The following LDLRAD3 variants were observed in gnomAD, a reference collection of about 807,000 sequenced individuals.
The protein encoded by LDLRAD3 is low density lipoprotein receptor class A domain containing 3.
A neutral mutation model predicts 29.4 loss-of-function variants in LDLRAD3; 20 were observed. The observed-to-expected ratio is 0.68, with a 90% CI of 0.48 to 0.99. The LOEUF is 0.99. Among genes scored for constraint, LDLRAD3 ranks in the 50% least tolerant of loss-of-function variants. LDLRAD3 has a pLI of 0.00. For synonymous variants in LDLRAD3, 157 were observed against 192.7 expected, an observed-to-expected ratio of 0.81 and a Z score of 1.53; for missense variants, 420 against 454.3, an observed-to-expected ratio of 0.92 and a Z score of 0.69.
rs555655945 is a variant in LDLRAD3 at position 35,965,501 on chromosome 11, G to T, written c.46+21357G>T. ...TGGCTGGGGGCCATGGGAGGGTGTA[G>T]GTAATTTGTTTTCAGGTATGTGGGT... On this transcript the variant is annotated intron_variant, in intron 1 of 5. Transcript: ENST00000315571. 1.2e-3 allele frequency among the ~76,000 whole-genome samples: 184 copies of T among 152,258 alleles called. 3 individuals carry two copies. Among genetic ancestry groups the T allele is most frequent in the African/African-American group, 4.2e-3 (174 of 41,542 alleles).
rs1047490154 is a variant in LDLRAD3, at chr11:36,232,117, A to G, written c.*2720A>G. The G allele has an allele frequency of 6.6e-6, 1 of 152,244 alleles. No individual in the cohort carries two copies. The highest frequency in any genetic ancestry group is 1.5e-5 in the Non-Finnish European group (1 of 68,048). The allele number at this position is 152,244 out of a possible 1,614,324, so 9.4% of individuals were successfully genotyped here. On this transcript the variant is annotated 3_prime_UTR_variant, in exon 6 of 6. Coordinates refer to ENST00000315571, the MANE Select transcript of LDLRAD3 (RefSeq NM_174902.4). The stretch of plus-strand genomic sequence containing the variant: ...TTTTTTAATTTTTATACTTTCTAAT[A>G]AATTTGCAGTTTCATTCTTTCTGTT...
intron 1 of LDLRAD3, among the ~76,000 whole-genome samples, chr11:35,962,975 AAAC>A (rs1851296222): frequency 6.6e-6 from 1 of 152,236 alleles, no homozygotes; most frequent in Admixed American, 6.5e-5. Flanking sequence ...GACATAATCA[AAAC>A]AACACAGAGA....
At chr11:36,195,936 A>G (rs867843318) in intron 4 of LDLRAD3, among the ~76,000 whole-genome samples, 2 of 151,096 alleles carry the variant, frequency 1.3e-5, no homozygotes, top group Non-Finnish European at 2.9e-5. Context: ...ACCCCCTGCT[A>G]CCTCCCATCA....
At chr11:36,037,433 A>C (rs1022068858) in intron 2 of LDLRAD3, among the ~76,000 whole-genome samples, 1 of 151,978 alleles carries the variant, frequency 6.6e-6, no homozygotes, top group African/African-American at 2.4e-5. Context: ...CTCCTGCCTC[A>C]GCCTTCTGAG....
chr11:36,057,241 C>T (rs772952251), intron 2 of LDLRAD3, among the ~76,000 whole-genome samples: 1 of 152,172 alleles, frequency 6.6e-6, no homozygotes, highest in African/African-American at 2.4e-5. Context: ...GTCAGGGTCC[C>T]TGGTGGATTG....
At position 35,944,891 on chromosome 11, in the gene LDLRAD3, C is replaced by T. The variant is rs1171299100; in HGVS notation, c.46+747C>T. On this transcript the variant is annotated intron_variant, in intron 1 of 5. Coordinates refer to ENST00000315571, the MANE Select transcript of LDLRAD3 (RefSeq NM_174902.4). This position sits in a 1 kb window ranked among gnomAD's most constrained non-coding sequence, Gnocchi z 4.9. ...TGGCATCACCACCGCGTGTGCATCCCGGGGCCTGGACCGCAGCAAGCCTCT... is the reference window on the plus strand; with the variant it reads ...TGGCATCACCACCGCGTGTGCATCCTGGGGCCTGGACCGCAGCAAGCCTCT... Among the ~76,000 whole-genome samples, 1 of 152,166 alleles carries T rather than the reference C, an allele frequency of 6.6e-6. No homozygotes were observed. The highest frequency in any genetic ancestry group is 1.5e-5 in the Non-Finnish European group (1 of 68,024).
At chr11:35,991,536 G>A (rs1851689297) in intron 1 of LDLRAD3, among the ~76,000 whole-genome samples, 1 of 152,136 alleles carries the variant, frequency 6.6e-6, no homozygotes, top group African/African-American at 2.4e-5. Flanking sequence ...AGGCATATAG[G>A]AATTGTATTT....
intron 4 of LDLRAD3, among the ~76,000 whole-genome samples, chr11:36,181,305 T>TTAA (rs1447487312): frequency 6.6e-6 from 1 of 152,130 alleles, no homozygotes; most frequent in Non-Finnish European, 1.5e-5. Flanking sequence ...CCCTGCTTAT[T>TTAA]GTTCTCTGTC....
At chr11:36,034,770 G>A (rs959294998) in intron 1 of LDLRAD3, among the ~76,000 whole-genome samples, 1 of 152,200 alleles carries the variant, frequency 6.6e-6, no homozygotes, top group Non-Finnish European at 1.5e-5. Flanking sequence ...CAGGGGACAC[G>A]TCAGAGGAAA....
At chr11:35,965,614 G>T (rs998302753) in intron 1 of LDLRAD3, among the ~76,000 whole-genome samples, 2 of 152,088 alleles carry the variant, frequency 1.3e-5, no homozygotes, top group African/African-American at 4.8e-5. Context: ...GATAGGAATG[G>T]GTAAAAAATT....
At chr11:36,210,244 G>A (rs886347759) in intron 4 of LDLRAD3, among the ~76,000 whole-genome samples, 3 of 152,216 alleles carry the variant, frequency 2.0e-5, no homozygotes, top group South Asian at 2.1e-4. Context: ...CCTGCCCTCC[G>A]TGGGATTCAT....
chr11:36,095,338 C>T (rs1472231738), intron 3 of LDLRAD3, among the ~76,000 whole-genome samples: 1 of 152,194 alleles, frequency 6.6e-6, no homozygotes, highest in African/African-American at 2.4e-5. Flanking sequence ...ATGAGACTTC[C>T]TCTCCCTCCA....
intron 2 of LDLRAD3, among the ~76,000 whole-genome samples, chr11:36,058,463 G>C (rs1201250046): frequency 6.6e-6 from 1 of 152,148 alleles, no homozygotes; most frequent in African/African-American, 2.4e-5. Context: ...CCCTGGCATC[G>C]GGTTTGGCTG....
chr11:36,013,948 G>T (rs188009973), intron 1 of LDLRAD3, among the ~76,000 whole-genome samples: 1 of 152,294 alleles, frequency 6.6e-6, no homozygotes, highest in East Asian at 1.9e-4. Flanking sequence ...GGCAGGCTTT[G>T]CAGGCACACC....
chr11:36,218,760 A>G (rs1292131250), intron 4 of LDLRAD3, among the ~76,000 whole-genome samples: 2 of 152,216 alleles, frequency 1.3e-5, no homozygotes, highest in East Asian at 1.9e-4. Flanking sequence ...CCCTCCCCTC[A>G]TGACCCTCAC....
At chr11:36,133,489 G>A (rs1234836900) in intron 4 of LDLRAD3, among the ~76,000 whole-genome samples, 2 of 151,518 alleles carry the variant, frequency 1.3e-5, no homozygotes, top group East Asian at 1.9e-4. Flanking sequence ...CTCCCAAAGT[G>A]CTAGGATTAC....
chr11:36,145,071 CTCT>C, intron 4 of LDLRAD3, among the ~76,000 whole-genome samples: 1 of 103,070 alleles, frequency 9.7e-6, no homozygotes, highest in African/African-American at 3.9e-5. Context: ...AGAGGAGCCC[CTCT>C]GCCCGGCCAG....
rs1036506707 is a variant in LDLRAD3 at position 36,219,011 on chromosome 11, A to G, written c.455-8074A>G. 3.9e-5 allele frequency among the ~76,000 whole-genome samples: 6 copies of G among 152,256 alleles called. No individual in the cohort carries two copies. The East Asian group carries it at 5.8e-4, about 15-fold the overall frequency. ...CATAGGGAGCAGTTTTCAAAGATCTATGCTGTGGGTAGACAGCAAACTATG... is the reference window on the plus strand; with the variant it reads ...CATAGGGAGCAGTTTTCAAAGATCTGTGCTGTGGGTAGACAGCAAACTATG... On this transcript the variant is annotated intron_variant, in intron 4 of 5. Coordinates refer to ENST00000315571, the MANE Select transcript of LDLRAD3 (RefSeq NM_174902.4).
chr11:36,203,207 A>T (rs749969910), intron 4 of LDLRAD3, among the ~76,000 whole-genome samples: 10 of 152,108 alleles, frequency 6.6e-5, no homozygotes, highest in Admixed American at 3.3e-4. Flanking sequence ...GCCTCAAGCG[A>T]TCCTCCCATC....
Sources: allele counts gnomAD v4.1 joint callset (sites outside exome capture counted in the v4.1 genomes callset), GRCh38; gene constraint gnomAD v4.1.1; non-coding constraint Gnocchi (gnomAD v3.1); transcripts MANE v1.5; gene names NCBI Gene and HGNC (gene_info 2026-07-23, HGNC 2026-07-21).